POLL: variants seen among roughly 807,000 people sequenced by gnomAD.
POLL encodes DNA polymerase beta-2.
POLL carries 44 observed loss-of-function variants against 58.1 expected under a neutral mutation model. The ratio of observed to expected loss-of-function variants is 0.76; its 90% CI spans 0.60 to 0.97. The LOEUF (loss-of-function observed/expected upper bound fraction) is 0.97, where lower values mean the gene tolerates loss of function less well. POLL is among the 50% of genes least tolerant of loss of function. The pLI is 0.00. For synonymous variants in POLL, 290 were observed against 283.2 expected, an observed-to-expected ratio of 1.02 and a Z score of -0.24; for missense variants, 632 against 736.8, an observed-to-expected ratio of 0.86 and a Z score of 1.65.
Position 101,579,930 on chromosome 10 carries a change from G to A in POLL, c.1364-113C>T. 8.6e-7 allele frequency: 1 copy of A among 1,164,536 alleles called. No homozygotes were observed. The highest frequency in any genetic ancestry group is 2.5e-5 in the East Asian group (1 of 39,958). The allele number at this position is 1,164,536 out of a possible 1,614,324, so 72.1% of individuals were successfully genotyped here. ...GGGCTTGCCCAGGTATTAGCTGGGT[G>A]ACACTACCCTCTCTGGGCCCTTCTC... On this transcript the variant is annotated intron_variant, in intron 8 of 8. Transcript: ENST00000370162. The surrounding 1 kb of genome is among the most constrained non-coding windows in gnomAD (Gnocchi z 4.4).
chr10:101,584,263 T>C (rs1470748863), intron 5 of POLL, among the ~76,000 whole-genome samples: 1 of 151,998 alleles, frequency 6.6e-6, no homozygotes, highest in East Asian at 1.9e-4. Context: ...GTAGATTGCT[T>C]GAGCCCAGGA....
intron 1 of POLL, 30 bp downstream of exon 1, chr10:101,587,792 G>A (rs936897821): frequency 1.4e-4 from 162 of 1,190,764 alleles, no homozygotes; most frequent in Non-Finnish European, 1.6e-4. Context: ...GGGAGGACCT[G>A]CACATAAACC....
At position 101,588,189 on chromosome 10, in the gene POLL, G is replaced by A. The variant is rs1207021570; in HGVS notation, c.-414C>T. 8 of 1,534,310 alleles carry A rather than the reference G, an allele frequency of 5.2e-6. No individual in the cohort carries two copies. Among genetic ancestry groups the A allele is most frequent in the Non-Finnish European group, 7.0e-6 (8 of 1,142,968 alleles). On this transcript the variant is annotated 5_prime_UTR_variant, in exon 1 of 9. Transcript: ENST00000370162. ...AAGCTAGTCACCCGGGGGTGGGCAG[G>A]AATAGACCACTTACCAGCAGAGCCA...
chr10:101,583,153 A>C (rs2063098517), intron 6 of POLL: 1 of 595,220 alleles, frequency 1.7e-6, no homozygotes, highest in Non-Finnish European at 3.0e-6. Flanking sequence ...TGTCATCTTC[A>C]TCCTTACCAA....
At chr10:101,587,479 C>T in intron 1 of POLL, 73 bp from the exon 2 acceptor site, 1 of 1,468,348 alleles carries the variant, frequency 6.8e-7, no homozygotes, top group East Asian at 2.9e-5. Flanking sequence ...CCTGACCAGG[C>T]TTTGGGGGTA....
In POLL at chr10:101,586,037, C is replaced by T. The variant is rs755432831; in HGVS notation, c.235G>A (p.Gly79Ser). 18 of 1,614,028 alleles carry T rather than the reference C, an allele frequency of 1.1e-5. No homozygotes were observed. Among genetic ancestry groups the T allele is most frequent in the Non-Finnish European group, 1.5e-5 (18 of 1,180,052 alleles). Reference protein sequence around the residue: ...GGQLCPAQGPGVTHIVVDEGM... With the variant: ...GGQLCPAQGPSVTHIVVDEGM... ...TCATCCACCACAATGTGAGTGACAC[C>T]TGGGCCCTGGGCAGGGCATAGCTGG... The change falls in exon 3 of 9, where the codon GGT becomes AGT. Residue 79 changes from glycine (G) to serine (S), a missense_variant. Transcript: ENST00000370162.
chr10:101,585,041 C>A (rs1234315428), intron 4 of POLL, 122 bp from the exon 5 acceptor site: 3 of 717,164 alleles, frequency 4.2e-6, no homozygotes, highest in South Asian at 6.0e-5. Flanking sequence ...AAGAATGAGG[C>A]GGGGCCTTCT....
chr10:101,583,769 GA>G, intron 5 of POLL, 88 bp from the exon 6 acceptor site: 1 of 1,208,406 alleles, frequency 8.3e-7, no homozygotes, highest in Non-Finnish European at 1.2e-6. Context: ...TCCTCTAGCA[GA>G]TGCTGACATA....
rs770984756 is a variant in POLL, at chr10:101,579,716, G to A, written c.1465C>T (p.Leu489=). Residue 489 remains leucine, a synonymous_variant, in exon 9 of 9, where the codon CTG becomes TTG. Transcript: ENST00000370162. The surrounding 1 kb of genome is among the most constrained non-coding windows in gnomAD (Gnocchi z 4.4). ...CTATAGGGCACCACGATGATGTCCAGGCGCCGGTGCCGCCGCCCTGGCCCT... is the reference window on the plus strand; with the variant it reads ...CTATAGGGCACCACGATGATGTCCAAGCGCCGGTGCCGCCGCCCTGGCCCT... ...LPGPGRRHRR[L]DIIVVPYSEF... 2 of 1,613,878 alleles carry A rather than the reference G, an allele frequency of 1.2e-6. No individual in the cohort carries two copies. Among genetic ancestry groups the A allele is most frequent in the Non-Finnish European group, 1.7e-6 (2 of 1,180,010 alleles).
chr10:101,585,997 TCA>T lies in POLL; in HGVS notation c.273_274del (p.Tyr91Ter). 1.2e-6 allele frequency: 2 copies of T among 1,614,092 alleles called. No homozygotes were observed. The highest frequency in any genetic ancestry group is 1.7e-6 in the Non-Finnish European group (2 of 1,180,012). On this transcript the variant is annotated stop_gained and frameshift_variant, in exon 3 of 9. Coordinates refer to ENST00000370162, the MANE Select transcript of POLL (RefSeq NM_001174084.2). LOFTEE classifies it high-confidence loss of function. The stretch of plus-strand genomic sequence containing the variant: ...TAGTCTGAGAAGGCGGAGGGCTCGC[TCA>T]TAGTCCATGCCTTCATCCACCACAA...
Position 101,580,475 on chromosome 10 carries a change from CA to C in POLL, c.1195-60del. On this transcript the variant is annotated intron_variant, in intron 7 of 8. Transcript: ENST00000370162. The surrounding 1 kb of genome is among the most constrained non-coding windows in gnomAD (Gnocchi z 4.1). The stretch of plus-strand genomic sequence containing the variant: ...TGCGTGGGGAGCTCCTCTCCCACAG[CA>C]GTACAAGGGCCTTCCCAGACTCGGG... 6.6e-7 allele frequency: 1 copy of C among 1,521,932 alleles called. No individual in the cohort carries two copies. Among genetic ancestry groups the C allele is most frequent in the African/African-American group, 1.4e-5 (1 of 73,162 alleles). The allele number at this position is 1,521,932 out of a possible 1,614,324, so 94.3% of individuals were successfully genotyped here. A position where few individuals can be genotyped will look rare whatever the true frequency, so the allele number is the denominator to read the frequency against.
chr10:101,587,625 C>T (rs1412464658), intron 1 of POLL, 197 bp downstream of exon 1: 3 of 1,002,828 alleles, frequency 3.0e-6, no homozygotes, highest in African/African-American at 3.3e-5. Flanking sequence ...AAGGCTGGTG[C>T]CATCGGGGGT....
Position 101,582,904 on chromosome 10 carries a change from A to G in POLL, c.1066-13T>C, listed in dbSNP as rs561184346. 11 of 1,614,182 alleles carry G rather than the reference A, an allele frequency of 6.8e-6. No individual in the cohort carries two copies. In the African/African-American group the frequency reaches 1.1e-4, roughly 16 times the overall value. The stretch of plus-strand genomic sequence containing the variant: ...GACTTCGGAAGCCCTGGAAAAAAGC[A>G]GCCAGATGGGAAGCTGTAAGGATCC... On this transcript the variant is annotated splice_polypyrimidine_tract_variant and intron_variant, in intron 6 of 8. Transcript: ENST00000370162.
Position 101,587,991 on chromosome 10 carries a change from C to G in POLL, c.-216G>C. On this transcript the variant is annotated 5_prime_UTR_variant, in exon 1 of 9. Coordinates refer to ENST00000370162, the MANE Select transcript of POLL (RefSeq NM_001174084.2). ...GGGAGCCCTCCGGGAATGGAGGAGT[C>G]TCGCAGCTGCGGGTGAAGTCCCGGG... 2.3e-6 allele frequency: 3 copies of G among 1,309,898 alleles called. No individual in the cohort carries two copies. In the South Asian group the frequency reaches 3.8e-5, roughly 17 times the overall value. 81.1% of individuals were successfully genotyped at this position (1,309,898 alleles called of 1,614,324 possible).
In POLL at chr10:101,587,254, T is replaced by G. The variant is rs893801434; in HGVS notation, c.107A>C (p.Glu36Ala). 1.4e-5 allele frequency: 23 copies of G among 1,613,842 alleles called. No homozygotes were observed. The highest frequency in any genetic ancestry group is 1.8e-5 in the Non-Finnish European group (21 of 1,179,900). Reference protein sequence around the residue: ...AKIPRREEGEEAEEWLSSLRA... With the variant: ...AKIPRREEGEAAEEWLSSLRA... ...AGACTGGGTCAGCTCACCTTCTGCT[T>G]CTTCTCCCTCTTCCCTCCTAGGAAT... Residue 36 changes from glutamate (E) to alanine (A), a missense_variant, in exon 2 of 9, where the codon GAA becomes GCA. Transcript: ENST00000370162.
rs775092949 is a variant in POLL at position 101,579,505 on chromosome 10, A to G, written c.1676T>C (p.Val559Ala). ...RVLPTPTEKD[V>A]FRLLGLPYRE... ...GTAGGGGAGGCCTAAGAGCCTGAAG[A>G]CATCCTTCTCAGTGGGAGTGGGCAG... Residue 559 changes from valine (V) to alanine (A), a missense_variant, in exon 9 of 9, where the codon GTC (valine) becomes GCC (alanine). Physicochemically the swap from Val to Ala is moderately conservative, Grantham distance 64. Transcript: ENST00000370162. The surrounding 1 kb of genome is among the most constrained non-coding windows in gnomAD (Gnocchi z 4.4). 1.2e-6 allele frequency: 2 copies of G among 1,613,478 alleles called. No homozygotes were observed. Among genetic ancestry groups the G allele is most frequent in the East Asian group, 4.5e-5 (2 of 44,842 alleles).
rs2063484865 is a variant in POLL at position 101,587,979 on chromosome 10, G to A, written c.-204C>T. The stretch of plus-strand genomic sequence containing the variant: ...GCAGCAGGTGTGGGGAGCCCTCCGG[G>A]AATGGAGGAGTCTCGCAGCTGCGGG... On this transcript the variant is annotated 5_prime_UTR_variant, in exon 1 of 9. Coordinates refer to ENST00000370162, the MANE Select transcript of POLL (RefSeq NM_001174084.2). 5 of 1,296,116 alleles carry A rather than the reference G, an allele frequency of 3.9e-6. No homozygotes were observed. The South Asian group carries it at 3.9e-5, about 10-fold the overall frequency. 80.3% of individuals were successfully genotyped at this position (1,296,116 alleles called of 1,614,324 possible). A position where few individuals can be genotyped will look rare whatever the true frequency, so the allele number is the denominator to read the frequency against.
intron 1 of POLL, 49 bp downstream of exon 1, chr10:101,587,773 C>G (rs975421097): frequency 1.7e-6 from 2 of 1,189,124 alleles, no homozygotes; most frequent in African/African-American, 3.2e-5. Flanking sequence ...GGGGATGGAG[C>G]GGAGCCTGGG....
chr10:101,583,609 A>C lies in POLL; in HGVS notation c.964T>G (p.Leu322Val), dbSNP rs201742864. Residue 322 changes from leucine (L) to valine (V), a missense_variant, in exon 6 of 9, where the codon TTG becomes GTG. Physicochemically the swap from Leu to Val is conservative, Grantham distance 32 (BLOSUM62 1). Coordinates refer to ENST00000370162, the MANE Select transcript of POLL (RefSeq NM_001174084.2). Reference sequence around the variant, plus strand: ...TCACTGATATGGTCCAGCTTCCGCAAATGCCCGCTCTCCAGGATCTCTATG... The same window carrying C: ...TCACTGATATGGTCCAGCTTCCGCACATGCCCGCTCTCCAGGATCTCTATG... ...KIIEILESGH[L>V]RKLDHISESV... 1 of 1,614,174 alleles carries C rather than the reference A, an allele frequency of 6.2e-7. No individual in the cohort carries two copies. Among genetic ancestry groups the C allele is most frequent in the African/African-American group, 1.3e-5 (1 of 75,044 alleles).
Sources: allele counts gnomAD v4.1 joint callset (sites outside exome capture counted in the v4.1 genomes callset), GRCh38; gene constraint gnomAD v4.1.1; non-coding constraint Gnocchi (gnomAD v3.1); transcripts MANE v1.5; gene names NCBI Gene and HGNC (gene_info 2026-07-23, HGNC 2026-07-21).